Variants in MEGF9 observed in about 807,000 individuals in gnomAD.
MEGF9 encodes the protein multiple EGF like domains 9.
Under a neutral mutation model 46.8 loss-of-function variants are expected in MEGF9, and 6 were observed. That is an observed-to-expected ratio of 0.13 (90% CI 0.07 to 0.25). The LOEUF (loss-of-function observed/expected upper bound fraction) is 0.25, where lower values mean the gene tolerates loss of function less well. Ranked by LOEUF, MEGF9 falls within the 10% of genes least tolerant of loss-of-function variation. The probability of loss-of-function intolerance (pLI) is 1.00; values close to 1 mark genes in which losing one functional copy is unlikely to be tolerated. For synonymous variants in MEGF9, 302 were observed against 330.7 expected, an observed-to-expected ratio of 0.91 and a Z score of 0.94; for missense variants, 683 against 792.4, an observed-to-expected ratio of 0.86 and a Z score of 1.66.
intron 3 of MEGF9, among the ~76,000 whole-genome samples, chr9:120,619,303 C>T (rs1335476250): frequency 6.6e-6 from 1 of 152,090 alleles, no homozygotes; most frequent in Admixed American, 6.5e-5. Context: ...GCCGAGATCG[C>T]GCCACCATAC....
chr9:120,711,292 G>A (rs903110646), intron 1 of MEGF9, among the ~76,000 whole-genome samples: 3 of 152,076 alleles, frequency 2.0e-5, no homozygotes, highest in African/African-American at 7.2e-5. Context: ...CCTGGAAAAT[G>A]CAACTATTAA....
At chr9:120,676,298 C>A (rs2043773034) in intron 1 of MEGF9, among the ~76,000 whole-genome samples, 1 of 152,158 alleles carries the variant, frequency 6.6e-6, no homozygotes, top group South Asian at 2.1e-4. Flanking sequence ...TCTATGAGCA[C>A]TAACATGTGT....
At chr9:120,649,965 C>T (rs781709718) in intron 2 of MEGF9, among the ~76,000 whole-genome samples, 1 of 152,094 alleles carries the variant, frequency 6.6e-6, no homozygotes, top group Non-Finnish European at 1.5e-5. Context: ...ACCGTGAATA[C>T]ATTAAAAAGT....
chr9:120,620,806 C>T (rs1240824885), intron 3 of MEGF9, among the ~76,000 whole-genome samples: 4 of 151,394 alleles, frequency 2.6e-5, no homozygotes, highest in Non-Finnish European at 5.9e-5. Flanking sequence ...AGAAAAAGAA[C>T]GCCACAAGAT....
intron 2 of MEGF9, among the ~76,000 whole-genome samples, chr9:120,640,484 CAG>C (rs2043597254): frequency 6.6e-6 from 1 of 151,772 alleles, no homozygotes; most frequent in East Asian, 1.9e-4. Context: ...TCTGTGGAAT[CAG>C]GGGGGTTTTA....
At chr9:120,643,695 T>C (rs2043613758) in intron 2 of MEGF9, among the ~76,000 whole-genome samples, 1 of 152,032 alleles carries the variant, frequency 6.6e-6, no homozygotes, top group South Asian at 2.1e-4. Context: ...CTTCCACTAA[T>C]GTTTCTTTTT....
chr9:120,699,915 A>C (rs2043895948), intron 1 of MEGF9, among the ~76,000 whole-genome samples: 2 of 152,190 alleles, frequency 1.3e-5, no homozygotes, highest in Admixed American at 6.5e-5. Flanking sequence ...CATAATTGTT[A>C]AATTATACAA....
chr9:120,644,225 C>G (rs1481068090), intron 2 of MEGF9, among the ~76,000 whole-genome samples: 1 of 152,112 alleles, frequency 6.6e-6, no homozygotes, highest in African/African-American at 2.4e-5. Context: ...CTTTTCTTGT[C>G]TCTTATGACC....
intron 2 of MEGF9, among the ~76,000 whole-genome samples, chr9:120,644,494 T>C (rs1483701235): frequency 6.6e-6 from 1 of 152,190 alleles, no homozygotes; most frequent in African/African-American, 2.4e-5. Context: ...AAAGGATGGC[T>C]ATCAGGCTTA....
At chr9:120,692,660 G>A (rs2132338809) in intron 1 of MEGF9, among the ~76,000 whole-genome samples, 1 of 152,110 alleles carries the variant, frequency 6.6e-6, no homozygotes, top group Non-Finnish European at 1.5e-5. Context: ...TTCATTCCCT[G>A]TTCCACCTTC....
At chr9:120,630,706 T>C (rs1368765620) in intron 2 of MEGF9, among the ~76,000 whole-genome samples, 1 of 152,314 alleles carries the variant, frequency 6.6e-6, no homozygotes, top group Non-Finnish European at 1.5e-5. Flanking sequence ...GACATTCTAA[T>C]GGGGGTGAGA....
chr9:120,663,243 T>C (rs538884085), intron 1 of MEGF9, among the ~76,000 whole-genome samples: 2 of 152,290 alleles, frequency 1.3e-5, no homozygotes, highest in African/African-American at 4.8e-5. Flanking sequence ...TGTGTGTAAC[T>C]CAGAACTTAA....
At chr9:120,695,180 T>G (rs2043869211) in intron 1 of MEGF9, among the ~76,000 whole-genome samples, 1 of 152,210 alleles carries the variant, frequency 6.6e-6, no homozygotes, top group African/African-American at 2.4e-5. Flanking sequence ...TACTACATGC[T>G]GAACACTATC....
At chr9:120,677,804 T>G (rs191872912) in intron 1 of MEGF9, among the ~76,000 whole-genome samples, 2 of 152,356 alleles carry the variant, frequency 1.3e-5, no homozygotes, top group East Asian at 3.9e-4. Context: ...TCCATTAGTA[T>G]ACATTTTTCA....
intron 4 of MEGF9, 46 bp downstream of exon 4, chr9:120,612,350 T>C (rs1432767665): frequency 6.3e-7 from 1 of 1,584,562 alleles, no homozygotes; most frequent in Non-Finnish European, 8.6e-7. Context: ...TATTGATAAC[T>C]GATTTTTTTT....
At chr9:120,616,913 T>C (rs926933107) in intron 3 of MEGF9, among the ~76,000 whole-genome samples, 2 of 152,316 alleles carry the variant, frequency 1.3e-5, no homozygotes, top group Non-Finnish European at 2.9e-5. Context: ...TATGTCTTAA[T>C]TTCTTCATCT....
intron 1 of MEGF9, among the ~76,000 whole-genome samples, chr9:120,707,645 A>G (rs1171019476): frequency 6.6e-6 from 1 of 152,234 alleles, no homozygotes. Flanking sequence ...AAGAAACACG[A>G]GTAAGTAAGA....
chr9:120,651,654 A>ATT (rs201065785), intron 2 of MEGF9, among the ~76,000 whole-genome samples: 18 of 142,136 alleles, frequency 1.3e-4, no homozygotes, highest in African/African-American at 2.8e-4. Context: ...GTATAATAGG[A>ATT]TTTTTTTTTT....
intron 3 of MEGF9, among the ~76,000 whole-genome samples, chr9:120,621,047 T>A (rs1012658676): frequency 3.4e-4 from 51 of 152,146 alleles, no homozygotes; most frequent in African/African-American, 1.2e-3. Context: ...GGAAAAAAAA[T>A]GTTTCCAAGG....
Sources: allele counts gnomAD v4.1 joint callset (sites outside exome capture counted in the v4.1 genomes callset), GRCh38; gene constraint gnomAD v4.1.1; transcripts MANE v1.5; gene names NCBI Gene and HGNC (gene_info 2026-07-23, HGNC 2026-07-21).